HIPK2: variants seen among roughly 807,000 people sequenced by gnomAD.
HIPK2 encodes the protein homeodomain-interacting protein kinase 2.
In HIPK2, 27 loss-of-function variants were observed where a neutral mutation model predicts 113.7. The ratio of observed to expected loss-of-function variants is 0.24; its 90% CI spans 0.17 to 0.33. The LOEUF (loss-of-function observed/expected upper bound fraction) is 0.33, where lower values mean the gene tolerates loss of function less well. Ranked by LOEUF, HIPK2 falls within the 10% of genes least tolerant of loss-of-function variation. HIPK2 has a pLI of 1.00. For synonymous variants in HIPK2, 631 were observed against 642.2 expected (o/e 0.98, Z 0.26); for missense variants, 1,257 against 1,588.0 (o/e 0.79, Z 3.54).
intron 1 of HIPK2, among the ~76,000 whole-genome samples, chr7:139,730,736 C>A (rs1405852922): frequency 6.6e-6 from 1 of 152,168 alleles, no homozygotes; most frequent in Non-Finnish European, 1.5e-5. Context: ...TAAGTCCTAA[C>A]CCCCAGTACC....
intron 2 of HIPK2, among the ~76,000 whole-genome samples, chr7:139,702,603 G>A (rs1005884394): frequency 6.6e-6 from 1 of 152,222 alleles, no homozygotes; most frequent in East Asian, 1.9e-4. Flanking sequence ...TCAGGAGGGA[G>A]GGTTGCCACA....
At chr7:139,762,409 A>T (rs1275718319) in intron 1 of HIPK2, among the ~76,000 whole-genome samples, 2 of 152,222 alleles carry the variant, frequency 1.3e-5, no homozygotes, top group Non-Finnish European at 2.9e-5. Context: ...CTCATGTGAA[A>T]ATGTTACCAG....
intron 12 of HIPK2, among the ~76,000 whole-genome samples, chr7:139,588,301 G>C (rs1354624847): frequency 2.0e-5 from 3 of 151,270 alleles, no homozygotes; most frequent in Non-Finnish European, 2.9e-5. Flanking sequence ...CTGGGTGACA[G>C]AGTGAGACTC....
At chr7:139,777,505 A>AGGCGCCGGGGGCTGCG (rs1796799306) in intron 1 of HIPK2, 100 bp downstream of exon 1, 1 of 378,664 alleles carries the variant, frequency 2.6e-6, no homozygotes, top group East Asian at 1.5e-4. Flanking sequence ...GGGCTGGGGC[A>AGGCGCCGGGGGCTGCG]GGCGCCGGGG....
chr7:139,737,363 G>A (rs182979495), intron 1 of HIPK2, among the ~76,000 whole-genome samples: 54 of 152,230 alleles, frequency 3.5e-4, no homozygotes, highest in African/African-American at 1.2e-3. Flanking sequence ...TAAGGGATGG[G>A]GAATGTCTAT....
Position 139,597,247 on chromosome 7 carries a change from C to T in HIPK2, c.2436-249G>A, listed in dbSNP as rs148163789. The stretch of plus-strand genomic sequence containing the variant: ...GGACAAAGGGAGCAGCCAGGGCTTT[C>T]GGAGCAGGGAGGGGGCTCTTGTGCC... On this transcript the variant is annotated intron_variant, in intron 11 of 14. Transcript: ENST00000406875. 2.1e-4 allele frequency among the ~76,000 whole-genome samples: 32 copies of T among 152,274 alleles called. No individual in the cohort carries two copies. The East Asian group carries it at 3.5e-3, about 17-fold the overall frequency.
At position 139,562,497 on chromosome 7, in the gene HIPK2, T is replaced by C. The variant is rs1286839599; in HGVS notation, c.*10430A>G. The C allele has an allele frequency of 1.3e-5, 2 of 152,264 alleles. No homozygotes were observed. The highest frequency in any genetic ancestry group is 4.8e-5 in the African/African-American group (2 of 41,460). The allele number at this position is 152,264 out of a possible 1,614,324, so 9.4% of individuals were successfully genotyped here. A position where few individuals can be genotyped will look rare whatever the true frequency, so the allele number is the denominator to read the frequency against. On this transcript the variant is annotated 3_prime_UTR_variant, in exon 15 of 15. Transcript: ENST00000406875. ...CAGATCCATTCTCTTTCTATCCTAATGGATACCATTTTTGGAAACGTGACA... is the reference window on the plus strand; with the variant it reads ...CAGATCCATTCTCTTTCTATCCTAACGGATACCATTTTTGGAAACGTGACA...
chr7:139,604,054 C>A, intron 10 of HIPK2, 27 bp downstream of exon 10: 1 of 1,613,458 alleles, frequency 6.2e-7, no homozygotes, highest in Non-Finnish European at 8.5e-7. Context: ...GACACACCCA[C>A]TCACCCTAGA....
In HIPK2 at chr7:139,716,590, C is replaced by G. The variant is rs753119905; in HGVS notation, c.445G>C (p.Glu149Gln). 14 of 1,613,876 alleles carry G rather than the reference C, an allele frequency of 8.7e-6. No individual in the cohort carries two copies. The highest frequency in any genetic ancestry group is 1.2e-5 in the Non-Finnish European group (14 of 1,179,890). The change falls in exon 2 of 15, where the codon GAG becomes CAG. Residue 149 changes from glutamate to glutamine, a missense_variant. Glu to Gln is a conservative substitution (Grantham distance 29). Around this residue, in one of 5 missense-constraint regions of HIPK2, gnomAD observed 209 missense variants for 237.8 expected, o/e 0.88. Transcript: ENST00000406875. This position sits in a 1 kb window ranked among gnomAD's most constrained non-coding sequence, Gnocchi z 9.3. ...ENTSSVQIIE[E>Q]HPPMIQNNAS... ...TTATTCTGAATCATGGGTGGATGCT[C>G]CTCGATGATCTGCACGCTGCTTGTG... is the stretch of plus-strand genomic sequence containing the variant.
At chr7:139,641,653 CAG>C (rs897317477) in intron 2 of HIPK2, among the ~76,000 whole-genome samples, 49 of 152,276 alleles carry the variant, frequency 3.2e-4, no homozygotes, top group African/African-American at 1.1e-3. Flanking sequence ...CCCCGGTGGG[CAG>C]AGTCAACCTG....
chr7:139,697,033 C>T (rs1794586703), intron 2 of HIPK2, among the ~76,000 whole-genome samples: 1 of 152,200 alleles, frequency 6.6e-6, no homozygotes, highest in South Asian at 2.1e-4. Flanking sequence ...CTTACCATCT[C>T]TAAAGCCAAC....
chr7:139,643,606 A>T (rs910781846), intron 2 of HIPK2, among the ~76,000 whole-genome samples: 3 of 152,200 alleles, frequency 2.0e-5, no homozygotes, highest in Non-Finnish European at 2.9e-5. Context: ...CTGGCCTCTA[A>T]ATTTGTGGTT....
chr7:139,720,340 C>T (rs536889610), intron 1 of HIPK2, among the ~76,000 whole-genome samples: 1 of 152,204 alleles, frequency 6.6e-6, no homozygotes, highest in African/African-American at 2.4e-5. Flanking sequence ...CATCCAGCAC[C>T]TGATTGGAGC....
chr7:139,675,097 G>C (rs1254287183), intron 2 of HIPK2, among the ~76,000 whole-genome samples: 1 of 152,188 alleles, frequency 6.6e-6, no homozygotes, highest in Non-Finnish European at 1.5e-5. Flanking sequence ...TGATCCAATA[G>C]ATGCTGGTGC....
At position 139,734,166 on chromosome 7, in the gene HIPK2, G is replaced by C. The variant is rs1166733407; in HGVS notation, c.20-17151C>G. ...TTTTTAAAGACAACGTTAAAATTCCGAAATAGTTCAGTCCCTTTCTTCCAT... is the reference window on the plus strand; with the variant it reads ...TTTTTAAAGACAACGTTAAAATTCCCAAATAGTTCAGTCCCTTTCTTCCAT... On this transcript the variant is annotated intron_variant, in intron 1 of 14. Transcript: ENST00000406875. Among the ~76,000 whole-genome samples, 3 of 152,172 alleles carry C rather than the reference G, an allele frequency of 2.0e-5. No individual in the cohort carries two copies. The South Asian group carries it at 6.2e-4, about 32-fold the overall frequency.
rs1338964985 is a variant in HIPK2, at chr7:139,584,052, C to A, written c.2730G>T (p.Lys910Asn). The change falls in exon 13 of 15, where the codon AAG (lysine) becomes AAT (asparagine). Residue 910 changes from lysine to asparagine, a missense_variant. This residue lies in a region of HIPK2 where 862 missense variants were observed against 1,004.3 expected (regional missense o/e 0.86). Transcript: ENST00000406875. ...QKHAPTSTVS[K>N]QRKNVISCVT... ...CACAGCTGATGACGTTTTTTCTTTGCTTGGAGACAGTGCTGAAAATGCAAA... is the reference window on the plus strand; with the variant it reads ...CACAGCTGATGACGTTTTTTCTTTGATTGGAGACAGTGCTGAAAATGCAAA... 1 of 1,589,188 alleles carries A rather than the reference C, an allele frequency of 6.3e-7. No individual in the cohort carries two copies.
chr7:139,576,545 G>A (rs1798498114), intron 13 of HIPK2, among the ~76,000 whole-genome samples: 1 of 152,196 alleles, frequency 6.6e-6, no homozygotes, highest in African/African-American at 2.4e-5. Flanking sequence ...GGAGCCAGGA[G>A]CCTCTTCAGA....
Position 139,613,399 on chromosome 7 carries a change from G to A in HIPK2, c.1991-76C>T, listed in dbSNP as rs1585277556. Reference sequence around the variant, plus strand: ...AGCTGGATGAAAAGAACCTTCCTGGGCAGTTATGTCAACTTTCTGCTTCCC... The same window carrying A: ...AGCTGGATGAAAAGAACCTTCCTGGACAGTTATGTCAACTTTCTGCTTCCC... On this transcript the variant is annotated intron_variant, in intron 8 of 14. Coordinates refer to ENST00000406875, the MANE Select transcript of HIPK2 (RefSeq NM_022740.5). The surrounding 1 kb of genome is among the most constrained non-coding windows in gnomAD (Gnocchi z 4.2). 48 of 1,553,042 alleles carry A rather than the reference G, an allele frequency of 3.1e-5. No homozygotes were observed. The East Asian group carries it at 1.1e-3, about 36-fold the overall frequency.
At chr7:139,617,100 C>G (rs947772604) in intron 7 of HIPK2, among the ~76,000 whole-genome samples, 1 of 152,188 alleles carries the variant, frequency 6.6e-6, no homozygotes, top group African/African-American at 2.4e-5. Context: ...GTGAGGGCAA[C>G]AAAAAGTTTT....
Sources: allele counts gnomAD v4.1 joint callset (sites outside exome capture counted in the v4.1 genomes callset), GRCh38; gene constraint gnomAD v4.1.1; regional missense constraint gnomAD v4.1.1; non-coding constraint Gnocchi (gnomAD v3.1); transcripts MANE v1.5; gene names NCBI Gene and HGNC (gene_info 2026-07-23, HGNC 2026-07-21).